Variants in RHBDL3 observed in about 807,000 individuals in gnomAD.
RHBDL3 encodes rhomboid like 3.
Under a neutral mutation model 48.2 loss-of-function variants are expected in RHBDL3, and 28 were observed. The observed-to-expected ratio is 0.58, with a 90% CI of 0.43 to 0.80. The LOEUF (loss-of-function observed/expected upper bound fraction) is 0.80, where lower values mean the gene tolerates loss of function less well. Ranked by LOEUF, RHBDL3 falls within the 30% of genes least tolerant of loss-of-function variation. RHBDL3 has a pLI of 0.00. For missense variants in RHBDL3, 464 were observed against 542.7 expected (o/e 0.85, Z 1.44); for synonymous variants, 208 against 232.3 (o/e 0.90, Z 0.95).
Position 32,321,355 on chromosome 17 carries a change from G to C in RHBDL3, c.*126G>C. On this transcript the variant is annotated 3_prime_UTR_variant, in exon 9 of 9. Transcript: ENST00000269051. ...CAAGGACAGAAGACTCTGGGCCACT[G>C]TAATGTTTGTGTTTAGATTTGGACA... is the stretch of plus-strand genomic sequence containing the variant. The C allele has an allele frequency of 6.5e-7, 1 of 1,546,788 alleles. No individual in the cohort carries two copies. The highest frequency in any genetic ancestry group is 8.7e-7 in the Non-Finnish European group (1 of 1,151,184).
intron 5 of RHBDL3, among the ~76,000 whole-genome samples, chr17:32,296,396 C>T (rs1179075714): frequency 6.9e-5 from 8 of 116,694 alleles, no homozygotes; most frequent in Non-Finnish European, 1.1e-4. Context: ...AGTGCAGTGG[C>T]GCGATCTTGG....
chr17:32,313,438 A>T (rs1359172820), intron 7 of RHBDL3, among the ~76,000 whole-genome samples: 2 of 152,208 alleles, frequency 1.3e-5, no homozygotes, highest in African/African-American at 2.4e-5. Context: ...ATACAGTTAC[A>T]TTTTAAATGT....
chr17:32,324,075 CT>C lies in RHBDL3; in HGVS notation c.*2850del. On this transcript the variant is annotated 3_prime_UTR_variant, in exon 9 of 9. Transcript: ENST00000269051. ...TTCAGGCTGGTGGAGGTAGGTTGGCCTTTTATCCACAGGATACAGAAACTGA... is the reference window on the plus strand; with the variant it reads ...TTCAGGCTGGTGGAGGTAGGTTGGCCTTTATCCACAGGATACAGAAACTGA... 6.6e-6 allele frequency: 1 copy of C among 152,452 alleles called. No homozygotes were observed. The highest frequency in any genetic ancestry group is 1.5e-5 in the Non-Finnish European group (1 of 68,118). 9.4% of individuals were successfully genotyped at this position (152,452 alleles called of 1,614,324 possible). A position where few individuals can be genotyped will look rare whatever the true frequency, so the allele number is the denominator to read the frequency against.
At chr17:32,273,567 T>C (rs2039825176) in intron 2 of RHBDL3, among the ~76,000 whole-genome samples, 1 of 152,210 alleles carries the variant, frequency 6.6e-6, no homozygotes, top group East Asian at 1.9e-4. Context: ...AGTTTTCTCA[T>C]CCGTAAAGTG....
In RHBDL3 at chr17:32,266,317, C is replaced by T. The variant is rs9889253; in HGVS notation, c.111+17C>T. ...CCGGAGGACGTGAGTGCCCCCTCCC[C>T]GCCCGGCAAACTTTCTAGGGGGCGC... On this transcript the variant is annotated intron_variant, in intron 1 of 8. Coordinates refer to ENST00000269051, the MANE Select transcript of RHBDL3 (RefSeq NM_138328.3). The T allele has an allele frequency of 0.28, 389,151 of 1,376,722 alleles. 58,409 individuals carry two copies. The highest frequency in any genetic ancestry group is 0.48 in the African/African-American group (31,319 of 65,816). The allele number at this position is 1,376,722 out of a possible 1,614,324, so 85.3% of individuals were successfully genotyped here. A position where few individuals can be genotyped will look rare whatever the true frequency, so the allele number is the denominator to read the frequency against.
chr17:32,294,291 C>T lies in RHBDL3; in HGVS notation c.520-3C>T. 1 of 1,613,344 alleles carries T rather than the reference C, an allele frequency of 6.2e-7. No individual in the cohort carries two copies. Among genetic ancestry groups the T allele is most frequent in the Non-Finnish European group, 8.5e-7 (1 of 1,179,644 alleles). On this transcript the variant is annotated splice_region_variant and splice_polypyrimidine_tract_variant and intron_variant, in intron 4 of 8. Coordinates refer to ENST00000269051, the MANE Select transcript of RHBDL3 (RefSeq NM_138328.3). ...AGTAACAGACTCTCTCTCTTCTGTC[C>T]AGGTTGCCTTTTTCCTCTACAATGG...
chr17:32,288,100 G>A (rs1219100851), intron 3 of RHBDL3: 1 of 152,336 alleles, frequency 6.6e-6, no homozygotes, highest in Non-Finnish European at 1.5e-5. Flanking sequence ...GGCACAGCTT[G>A]GGTTTTGGCT....
Position 32,284,790 on chromosome 17 carries a change from G to T in RHBDL3, c.267G>T (p.Gln89His). Reference protein sequence around the residue: ...LALADSHADGQIGYQDFVSLM... With the variant: ...LALADSHADGHIGYQDFVSLM... ...TTGCCGACAGCCACGCGGATGGGCA[G>T]ATCGGCTACCAGGATTTTGTCAGCC... Residue 89 changes from glutamine (Q) to histidine (H), a missense_variant, in exon 3 of 9, where the codon CAG (glutamine) becomes CAT (histidine). Physicochemically the swap from Gln to His is conservative, Grantham distance 24. Coordinates refer to ENST00000269051, the MANE Select transcript of RHBDL3 (RefSeq NM_138328.3). 1 of 1,613,996 alleles carries T rather than the reference G, an allele frequency of 6.2e-7. No individual in the cohort carries two copies. Among genetic ancestry groups the T allele is most frequent in the South Asian group, 1.1e-5 (1 of 91,090 alleles).
chr17:32,318,959 C>G (rs921300144), intron 8 of RHBDL3, among the ~76,000 whole-genome samples: 4 of 152,148 alleles, frequency 2.6e-5, no homozygotes, highest in Non-Finnish European at 5.9e-5. Context: ...TGGAGAATCT[C>G]TCATCCCAGG....
intron 4 of RHBDL3, among the ~76,000 whole-genome samples, chr17:32,293,989 G>T (rs1218087166): frequency 6.6e-6 from 1 of 152,102 alleles, no homozygotes; most frequent in Admixed American, 6.5e-5. Context: ...TTAGCCAGGC[G>T]TGGTGGCACA....
intron 8 of RHBDL3, among the ~76,000 whole-genome samples, chr17:32,320,628 G>A (rs1173774183): frequency 6.6e-6 from 1 of 152,186 alleles, no homozygotes; most frequent in East Asian, 1.9e-4. Context: ...CCGGCCAAAT[G>A]TCACCTCTTT....
At chr17:32,295,495 A>T (rs2040425474) in intron 5 of RHBDL3, among the ~76,000 whole-genome samples, 1 of 152,120 alleles carries the variant, frequency 6.6e-6, no homozygotes, top group Admixed American at 6.5e-5. Context: ...GTCATGCTTC[A>T]CTCACATCCA....
chr17:32,267,224 G>A (rs937483118), intron 1 of RHBDL3, among the ~76,000 whole-genome samples: 2 of 152,068 alleles, frequency 1.3e-5, no homozygotes, highest in African/African-American at 4.8e-5. Context: ...TGGCGTCTGC[G>A]GTTAAATCTA....
At chr17:32,268,103 G>C (rs1274158441) in intron 2 of RHBDL3, among the ~76,000 whole-genome samples, 178 bp downstream of exon 2, 2 of 152,162 alleles carry the variant, frequency 1.3e-5, no homozygotes, top group African/African-American at 2.4e-5. Flanking sequence ...AGGAGGAAGA[G>C]ATGGGCTCCC....
chr17:32,300,745 A>T (rs2040562349), intron 6 of RHBDL3, among the ~76,000 whole-genome samples: 2 of 152,200 alleles, frequency 1.3e-5, no homozygotes, highest in Non-Finnish European at 2.9e-5. Context: ...TATGCTCATC[A>T]CTGCTGTCCT....
Position 32,294,497 on chromosome 17 carries a change from T to A in RHBDL3, c.668+55T>A. 8 of 1,512,294 alleles carry A rather than the reference T, an allele frequency of 5.3e-6. No homozygotes were observed. In the South Asian group the frequency reaches 8.7e-5, roughly 16 times the overall value. 93.7% of individuals were successfully genotyped at this position (1,512,294 alleles called of 1,614,324 possible). On this transcript the variant is annotated intron_variant, in intron 5 of 8. Coordinates refer to ENST00000269051, the MANE Select transcript of RHBDL3 (RefSeq NM_138328.3). ...AAAGACCCTACAGAAAAATAAGTGG[T>A]CAAGATAGCCTGGATTGAAATATAG...
At chr17:32,307,098 A>G (rs1473956022) in intron 7 of RHBDL3, among the ~76,000 whole-genome samples, 1 of 152,206 alleles carries the variant, frequency 6.6e-6, no homozygotes, top group Non-Finnish European at 1.5e-5. Context: ...GTCTTAGAGG[A>G]TATCAAAATC....
chr17:32,287,945 G>T (rs2040236069), intron 3 of RHBDL3, among the ~76,000 whole-genome samples: 1 of 152,216 alleles, frequency 6.6e-6, no homozygotes, highest in African/African-American at 2.4e-5. Flanking sequence ...GGGTGAGGCT[G>T]CCAGAGCTCT....
chr17:32,303,580 A>G (rs759028564), intron 6 of RHBDL3, among the ~76,000 whole-genome samples: 2 of 152,234 alleles, frequency 1.3e-5, no homozygotes, highest in Non-Finnish European at 2.9e-5. Context: ...GGAAGGCATG[A>G]AAGATTTATA....
Sources: gnomAD v4.1 joint callset for allele counts (sites outside exome capture counted in the v4.1 genomes callset) on GRCh38, gnomAD v4.1.1 for gene constraint, MANE v1.5 for transcripts, NCBI Gene and HGNC (gene_info 2026-07-23, HGNC 2026-07-21) for gene names.